Variants in AMOTL1 observed in about 807,000 individuals in gnomAD.
The protein encoded by AMOTL1 is angiomotin-like protein 1.
In AMOTL1, 45 loss-of-function variants were observed where a neutral mutation model predicts 102.9. The ratio of observed to expected loss-of-function variants is 0.44; its 90% CI spans 0.34 to 0.56. The LOEUF (loss-of-function observed/expected upper bound fraction) is 0.56, where lower values mean the gene tolerates loss of function less well. Among genes scored for constraint, AMOTL1 ranks in the 20% least tolerant of loss-of-function variants. The probability of loss-of-function intolerance (pLI) is 0.01; values close to 1 mark genes in which losing one functional copy is unlikely to be tolerated. For missense variants in AMOTL1, 1,114 were observed against 1,225.6 expected, an observed-to-expected ratio of 0.91 and a Z score of 1.36; for synonymous variants, 481 against 484.7, an observed-to-expected ratio of 0.99 and a Z score of 0.10.
At position 94,763,207 on chromosome 11, in the gene AMOTL1, C is replaced by T. The variant is rs12808693; in HGVS notation, c.136+22219C>T. Among the ~76,000 whole-genome samples the T allele has an allele frequency of 4.0e-3, 605 of 152,258 alleles. 3 individuals carry two copies. Among genetic ancestry groups the T allele is most frequent in the Non-Finnish European group, 7.1e-3 (481 of 68,016 alleles). On this transcript the variant is annotated intron_variant, in intron 3 of 4. Transcript: ENST00000299004. ...TCCCACTTGCCCTCCACATTGTCCT[C>T]CTTTTTGTTTTTCATTCTTTCACTC... is the stretch of plus-strand genomic sequence containing the variant.
Position 94,821,826 on chromosome 11 carries a change from G to C in AMOTL1, c.1413+5G>C. The C allele has an allele frequency of 6.2e-7, 1 of 1,612,326 alleles. No individual in the cohort carries two copies. The highest frequency in any genetic ancestry group is 2.2e-5 in the East Asian group (1 of 44,854). On this transcript the variant is annotated splice_donor_5th_base_variant and intron_variant, in intron 4 of 12. Transcript: ENST00000433060. Reference sequence around the variant, plus strand: ...AATGCCGACAAGCTCCACAAGGTGCGTGACTTCCCTGGGGAATGGGAGGGA... The same window carrying C: ...AATGCCGACAAGCTCCACAAGGTGCCTGACTTCCCTGGGGAATGGGAGGGA...
chr11:94,791,880 C>G (rs1951290953), intron 1 of AMOTL1, among the ~76,000 whole-genome samples: 1 of 152,190 alleles, frequency 6.6e-6, no homozygotes, highest in Non-Finnish European at 1.5e-5. Context: ...ATTTGTGTTG[C>G]AGGAGTTCCC....
rs141980709 is a variant in AMOTL1 at position 94,776,619 on chromosome 11, C to A, written c.49+8059C>A. On this transcript the variant is annotated intron_variant, in intron 1 of 12. Transcript: ENST00000433060. ...GGGCTCTGCACACGCCCTGTGGCCACGTGCCAGGGAGGAAGGAGGCATCTC... is the reference window on the plus strand; with the variant it reads ...GGGCTCTGCACACGCCCTGTGGCCAAGTGCCAGGGAGGAAGGAGGCATCTC... 3.0e-3 allele frequency among the ~76,000 whole-genome samples: 458 copies of A among 152,272 alleles called. 5 individuals are homozygous for A. Among genetic ancestry groups the A allele is most frequent in the African/African-American group, 0.01 (429 of 41,572 alleles).
At chr11:94,825,296 G>C (rs2135642318) in intron 4 of AMOTL1, among the ~76,000 whole-genome samples, 1 of 152,308 alleles carries the variant, frequency 6.6e-6, no homozygotes, top group East Asian at 1.9e-4. Flanking sequence ...AACAAAGGTG[G>C]CTTTGATTGG....
rs180760632 is a variant in AMOTL1, at chr11:94,809,453, C to A, written c.1121+9142C>A. Reference sequence around the variant, plus strand: ...ACATGCACTGACATCAGTCCAGAACCATGCTCTGGTTGTGCATGGCATTGC... The same window carrying A: ...ACATGCACTGACATCAGTCCAGAACAATGCTCTGGTTGTGCATGGCATTGC... On this transcript the variant is annotated intron_variant, in intron 3 of 12. Coordinates refer to ENST00000433060, the MANE Select transcript of AMOTL1 (RefSeq NM_130847.3). Among the ~76,000 whole-genome samples the A allele has an allele frequency of 3.2e-4, 48 of 152,332 alleles. No homozygotes were observed. The East Asian group carries it at 7.5e-3, about 24-fold the overall frequency.
intron 7 of AMOTL1, 105 bp from the exon 8 acceptor site, chr11:94,853,828 G>A (rs1170126510): frequency 3.3e-5 from 44 of 1,338,650 alleles, no homozygotes; most frequent in Non-Finnish European, 4.2e-5. Flanking sequence ...ACGTGCACCT[G>A]TAGTTTAAAT....
At chr11:94,769,959 G>T (rs1359039355) in intron 1 of AMOTL1, among the ~76,000 whole-genome samples, 1 of 152,122 alleles carries the variant, frequency 6.6e-6, no homozygotes, top group Non-Finnish European at 1.5e-5. Flanking sequence ...CACCATAAAC[G>T]AATTAAACCA....
intron 8 of AMOTL1, among the ~76,000 whole-genome samples, chr11:94,858,023 A>T (rs1434495295): frequency 6.6e-6 from 1 of 152,154 alleles, no homozygotes; most frequent in Non-Finnish European, 1.5e-5. Context: ...GGGGGCTATG[A>T]AGAGTTGTCA....
intron 1 of AMOTL1, among the ~76,000 whole-genome samples, chr11:94,787,882 A>G (rs182752171): frequency 1.0e-3 from 158 of 152,256 alleles, no homozygotes; most frequent in African/African-American, 3.6e-3. Context: ...CAGCTCACAA[A>G]TTAATTGGAA....
At chr11:94,849,853 A>T (rs925425462) in intron 6 of AMOTL1, among the ~76,000 whole-genome samples, 4 of 152,192 alleles carry the variant, frequency 2.6e-5, no homozygotes, top group Admixed American at 6.5e-5. Flanking sequence ...TAGAGAAGTG[A>T]GTTATCGAGA....
chr11:94,751,750 CATAT>C (rs759519676), intron 3 of AMOTL1, among the ~76,000 whole-genome samples: 1 of 148,890 alleles, frequency 6.7e-6, no homozygotes, highest in African/African-American at 2.5e-5. Context: ...TGGGATAAAA[CATAT>C]ATATGCTCAC....
At chr11:94,855,240 A>G (rs1000735090) in intron 8 of AMOTL1, among the ~76,000 whole-genome samples, 6 of 152,236 alleles carry the variant, frequency 3.9e-5, no homozygotes, top group Non-Finnish European at 5.9e-5. Flanking sequence ...GGGCAGGCCC[A>G]TGCAGTTCCC....
chr11:94,799,798 G>GGCAGCAGCA lies in AMOTL1; in HGVS notation c.615_623dup (p.Gln209_Gln211dup), dbSNP rs776482810. The GGCAGCAGCA allele has an allele frequency of 6.2e-7, 1 of 1,600,628 alleles. No individual in the cohort carries two copies. Among genetic ancestry groups the GGCAGCAGCA allele is most frequent in the Non-Finnish European group, 8.5e-7 (1 of 1,172,600 alleles). On this transcript the variant is annotated inframe_insertion, in exon 3 of 13. Transcript: ENST00000433060. The surrounding 1 kb of genome is among the most constrained non-coding windows in gnomAD (Gnocchi z 4.5). The stretch of plus-strand genomic sequence containing the variant: ...AAAGCACAGTCGCAGTTCTTCAGGG[G>GGCAGCAGCA]GCAGCAGCAGCAGCAACAGCAGCAG...
At chr11:94,830,684 T>A (rs1322417798) in intron 5 of AMOTL1, among the ~76,000 whole-genome samples, 1 of 152,200 alleles carries the variant, frequency 6.6e-6, no homozygotes, top group Non-Finnish European at 1.5e-5. Flanking sequence ...GTGAAATAAG[T>A]AGACAATAAA....
chr11:94,745,798 T>A (rs1012494815), intron 3 of AMOTL1, among the ~76,000 whole-genome samples: 1 of 152,210 alleles, frequency 6.6e-6, no homozygotes, highest in Non-Finnish European at 1.5e-5. Flanking sequence ...TTTCCCAAGA[T>A]TGAAGGATAA....
chr11:94,774,228 G>A (rs1950993367), intron 1 of AMOTL1, among the ~76,000 whole-genome samples: 1 of 152,236 alleles, frequency 6.6e-6, no homozygotes, highest in East Asian at 1.9e-4. Flanking sequence ...ACAGTTGGGA[G>A]CGCTGTGAAT....
chr11:94,779,609 C>CT (rs1018634542), intron 1 of AMOTL1, among the ~76,000 whole-genome samples: 2 of 151,968 alleles, frequency 1.3e-5, no homozygotes, highest in South Asian at 2.1e-4. Flanking sequence ...TTTTTTTCCC[C>CT]TTTAAGACAT....
intron 9 of AMOTL1, among the ~76,000 whole-genome samples, chr11:94,861,831 G>T (rs1296069528): frequency 6.6e-6 from 1 of 152,032 alleles, no homozygotes; most frequent in Non-Finnish European, 1.5e-5. Context: ...GTATGAATGG[G>T]ACTAGAAAGT....
intron 2 of AMOTL1, among the ~76,000 whole-genome samples, chr11:94,798,572 A>G (rs1951409809): frequency 1.3e-5 from 2 of 152,110 alleles, no homozygotes; most frequent in African/African-American, 4.8e-5. Flanking sequence ...ATCGTCTGGC[A>G]GTTGTAGATG....
Sources: gnomAD v4.1 joint callset for allele counts (sites outside exome capture counted in the v4.1 genomes callset) on GRCh38, gnomAD v4.1.1 for gene constraint, Gnocchi (gnomAD v3.1) non-coding constraint, MANE v1.5 for transcripts, NCBI Gene and HGNC (gene_info 2026-07-23, HGNC 2026-07-21) for gene names.